CIMIP6: variants seen among roughly 807,000 people sequenced by gnomAD.
CIMIP6 encodes the protein uncharacterized protein C2orf73.
At chr2:54,352,342 C>T in the CIMIP6 span, among the ~76,000 whole-genome samples, 3 of 152,082 alleles carry the variant, frequency 2.0e-5, no homozygotes, top group South Asian at 6.2e-4. Context: ...CCAGTCTTTA[C>T]TTGTTACACT....
the CIMIP6 span, among the ~76,000 whole-genome samples, chr2:54,362,724 T>C: frequency 6.6e-6 from 1 of 152,150 alleles, no homozygotes; most frequent in African/African-American, 2.4e-5. Flanking sequence ...TTTTTGTATT[T>C]TTAGTATAGG....
chr2:54,376,041 T>C, the CIMIP6 span, among the ~76,000 whole-genome samples: 3 of 152,200 alleles, frequency 2.0e-5, no homozygotes, highest in African/African-American at 7.2e-5. Context: ...TTAACATTTT[T>C]GGTTTTGTTC....
the CIMIP6 span, among the ~76,000 whole-genome samples, chr2:54,347,396 C>A: frequency 6.6e-6 from 1 of 152,216 alleles, no homozygotes; most frequent in African/African-American, 2.4e-5. Context: ...TCAGTGGACA[C>A]CTCCTCAAAG....
chr2:54,331,679 C>G, the CIMIP6 span, among the ~76,000 whole-genome samples: 1 of 152,032 alleles, frequency 6.6e-6, no homozygotes, highest in Non-Finnish European at 1.5e-5. Context: ...CTTCCCACCC[C>G]CGAGACACAC....
the CIMIP6 span, among the ~76,000 whole-genome samples, chr2:54,346,986 A>G: frequency 6.6e-6 from 1 of 152,238 alleles, no homozygotes; most frequent in East Asian, 1.9e-4. Flanking sequence ...GAGACAGAGA[A>G]TATAACTCAG....
chr2:54,382,944 TA>T, the CIMIP6 span: 6 of 152,226 alleles, frequency 3.9e-5, no homozygotes, highest in Admixed American at 2.0e-4. Flanking sequence ...GAGATGGCAG[TA>T]TATGACTTCT....
chr2:54,360,058 G>A, the CIMIP6 span: 1 of 926,720 alleles, frequency 1.1e-6, no homozygotes. Context: ...TGTCTAGTTT[G>A]GGACTGAGGT....
At chr2:54,381,291 C>T in the CIMIP6 span, among the ~76,000 whole-genome samples, 1 of 152,162 alleles carries the variant, frequency 6.6e-6, no homozygotes, top group Non-Finnish European at 1.5e-5. Flanking sequence ...ATCTGAGGTT[C>T]TACTCCAATT....
chr2:54,344,404 G>A, the CIMIP6 span, among the ~76,000 whole-genome samples: 2 of 152,148 alleles, frequency 1.3e-5, no homozygotes, highest in African/African-American at 4.8e-5. Context: ...CTGGAACGTA[G>A]CAAAGACTAG....
chr2:54,374,003 G>A, the CIMIP6 span, among the ~76,000 whole-genome samples: 426 of 152,274 alleles, frequency 2.8e-3, 3 homozygotes, highest in African/African-American at 9.8e-3. Context: ...GAATGCCCAT[G>A]AGGTCATATT....
At chr2:54,339,897 T>C in the CIMIP6 span, 2 of 374,170 alleles carry the variant, frequency 5.3e-6, 1 homozygote. Flanking sequence ...GGATTCTCCC[T>C]TAATTTCTCA....
the CIMIP6 span, among the ~76,000 whole-genome samples, chr2:54,354,448 C>T: frequency 6.6e-6 from 1 of 152,096 alleles, no homozygotes; most frequent in Non-Finnish European, 1.5e-5. Flanking sequence ...TAATAAAATG[C>T]TATCATCCTA....
chr2:54,337,967 CA>C, the CIMIP6 span, among the ~76,000 whole-genome samples: 2 of 151,674 alleles, frequency 1.3e-5, no homozygotes, highest in African/African-American at 2.4e-5. Flanking sequence ...CCCATTTATA[CA>C]AAAAAATAAA....
At chr2:54,382,609 C>T in the CIMIP6 span, among the ~76,000 whole-genome samples, 1,548 of 152,260 alleles carry the variant, frequency 0.01, 21 homozygotes, top group African/African-American at 0.036. Context: ...CTCTTCCCTT[C>T]AGTCTTAACC....
the CIMIP6 span, among the ~76,000 whole-genome samples, chr2:54,351,103 G>C: frequency 6.6e-6 from 1 of 152,098 alleles, no homozygotes; most frequent in Non-Finnish European, 1.5e-5. Flanking sequence ...TATAAAATAA[G>C]AACAGCATCT....
At chr2:54,379,219 G>A in the CIMIP6 span, among the ~76,000 whole-genome samples, 1 of 152,190 alleles carries the variant, frequency 6.6e-6, no homozygotes, top group African/African-American at 2.4e-5. Context: ...CTGATCCGCT[G>A]TGACTGACAT....
chr2:54,344,216 A>T, the CIMIP6 span, among the ~76,000 whole-genome samples: 46 of 152,356 alleles, frequency 3.0e-4, no homozygotes, highest in South Asian at 9.1e-3. Context: ...GAAGAGGGCT[A>T]TTAGATAATC....
At chr2:54,375,447 C>G in the CIMIP6 span, among the ~76,000 whole-genome samples, 1 of 152,016 alleles carries the variant, frequency 6.6e-6, no homozygotes, top group Non-Finnish European at 1.5e-5. Context: ...TGGGTAAAAA[C>G]TGAAAAGATT....
At chr2:54,354,488 T>C in the CIMIP6 span, among the ~76,000 whole-genome samples, 1 of 152,168 alleles carries the variant, frequency 6.6e-6, no homozygotes, top group African/African-American at 2.4e-5. Flanking sequence ...TATTCAGTTC[T>C]ACTTTTAGGT....
Sources: gnomAD v4.1 joint callset for allele counts (sites outside exome capture counted in the v4.1 genomes callset) on GRCh38, gnomAD v4.1.1 for gene constraint, MANE v1.5 for transcripts, NCBI Gene and HGNC (gene_info 2026-07-23, HGNC 2026-07-21) for gene names.